The following PCDHGA7 variants were observed in gnomAD, a reference collection of about 807,000 sequenced individuals.
PCDHGA7 encodes the protein protocadherin gamma-A7.
PCDHGA7 carries 44 observed loss-of-function variants against 58.3 expected under a neutral mutation model. That is an observed-to-expected ratio of 0.75 (90% CI 0.59 to 0.97). PCDHGA7 has a LOEUF of 0.97. Ranked by LOEUF, PCDHGA7 falls within the 50% of genes least tolerant of loss-of-function variation. PCDHGA7 has a pLI of 0.00. For synonymous variants in PCDHGA7, 516 were observed against 504.2 expected (o/e 1.02, Z -0.31); for missense variants, 1,266 against 1,188.7 (o/e 1.06, Z -0.96).
At position 141,490,171 on chromosome 5, in the gene PCDHGA7, G is replaced by A. The variant is rs374421995; in HGVS notation, c.2425-4636G>A. 4 of 1,614,100 alleles carry A rather than the reference G, an allele frequency of 2.5e-6. No individual in the cohort carries two copies. The highest frequency in any genetic ancestry group is 3.4e-6 in the Non-Finnish European group (4 of 1,180,034). On this transcript the variant is annotated intron_variant, in intron 1 of 3. Coordinates refer to ENST00000518325, the MANE Select transcript of PCDHGA7 (RefSeq NM_018920.4). The surrounding 1 kb of genome is among the most constrained non-coding windows in gnomAD (Gnocchi z 5.4). ...CCATGTGTTGGGTCCCATAGACTTT[G>A]AGGAGTCACGTTTCTATGAAATTCA...
intron 1 of PCDHGA7, among the ~76,000 whole-genome samples, chr5:141,494,039 G>A (rs901795348): frequency 2.0e-5 from 3 of 152,144 alleles, no homozygotes; most frequent in Non-Finnish European, 4.4e-5. Context: ...GACTTAGTTG[G>A]CCCTGCTTGG....
chr5:141,400,369 T>C (rs2150855153), intron 1 of PCDHGA7: 2 of 1,614,078 alleles, frequency 1.2e-6, no homozygotes, highest in Admixed American at 3.3e-5. Context: ...GCCTTATTCC[T>C]ACAACCTATG....
chr5:141,393,214 A>G, intron 1 of PCDHGA7: 1 of 1,613,636 alleles, frequency 6.2e-7, no homozygotes, highest in East Asian at 2.2e-5. Flanking sequence ...CCAAAATTCC[A>G]GGTCGAAGAT....
chr5:141,470,872 TTTTTTG>T (rs900302332), intron 1 of PCDHGA7, among the ~76,000 whole-genome samples: 3 of 151,814 alleles, frequency 2.0e-5, no homozygotes, highest in African/African-American at 4.8e-5. Context: ...GTTTGTTTGT[TTTTTTG>T]TTTTTGTTTT....
chr5:141,466,085 G>T (rs1028177123), intron 1 of PCDHGA7, among the ~76,000 whole-genome samples: 2 of 151,984 alleles, frequency 1.3e-5, no homozygotes, highest in African/African-American at 4.8e-5. Flanking sequence ...TCATGCCACT[G>T]CACTCCAGCC....
intron 1 of PCDHGA7, chr5:141,478,873 T>C: frequency 7.8e-7 from 1 of 1,274,424 alleles, no homozygotes; most frequent in African/African-American, 1.5e-5. Context: ...GATCAGAGTT[T>C]AGCTTGGTAT....
chr5:141,405,856 C>T (rs1340012897), intron 1 of PCDHGA7, among the ~76,000 whole-genome samples: 1 of 152,096 alleles, frequency 6.6e-6, no homozygotes, highest in Non-Finnish European at 1.5e-5. Flanking sequence ...GTGTGTTTCT[C>T]ATCACTTTTC....
rs374200575 is a variant in PCDHGA7 at position 141,432,105 on chromosome 5, C to G, written c.2424+46782C>G. On this transcript the variant is annotated intron_variant, in intron 1 of 3. Transcript: ENST00000518325. This position sits in a 1 kb window ranked among gnomAD's most constrained non-coding sequence, Gnocchi z 6.0. The stretch of plus-strand genomic sequence containing the variant: ...AACGTGGCAGACACCAACGACAACC[C>G]GCCGGTCTTCCCTCAGGCCTCCTAT... 1.2e-6 allele frequency: 2 copies of G among 1,614,172 alleles called. No individual in the cohort carries two copies. Among genetic ancestry groups the G allele is most frequent in the Non-Finnish European group, 1.7e-6 (2 of 1,180,034 alleles).
At chr5:141,389,055 A>G in intron 1 of PCDHGA7, 1 of 1,613,996 alleles carries the variant, frequency 6.2e-7, no homozygotes, top group South Asian at 1.1e-5. Context: ...TGTTCCATTT[A>G]AAATATTAAC....
Position 141,487,632 on chromosome 5 carries a change from C to G in PCDHGA7, c.2425-7175C>G, listed in dbSNP as rs374506603. The G allele has an allele frequency of 6.2e-7, 1 of 1,614,186 alleles. No homozygotes were observed. Among genetic ancestry groups the G allele is most frequent in the East Asian group, 2.2e-5 (1 of 44,888 alleles). On this transcript the variant is annotated intron_variant, in intron 1 of 3. Coordinates refer to ENST00000518325, the MANE Select transcript of PCDHGA7 (RefSeq NM_018920.4). The surrounding 1 kb of genome is among the most constrained non-coding windows in gnomAD (Gnocchi z 5.0). ...GGGCTAGAGGTGAGACCTTTGCAGG[C>G]TCAACAAATGCTTGAGGGTTATTCT... is the stretch of plus-strand genomic sequence containing the variant.
intron 1 of PCDHGA7, among the ~76,000 whole-genome samples, chr5:141,401,908 T>C (rs942184637): frequency 1.3e-5 from 2 of 152,238 alleles, no homozygotes; most frequent in Admixed American, 1.3e-4. Flanking sequence ...CAAATTATTA[T>C]ATAAGTTTAA....
intron 1 of PCDHGA7, among the ~76,000 whole-genome samples, chr5:141,438,629 TATATATACACACAC>T (rs1468553117): frequency 3.8e-3 from 181 of 48,054 alleles, no homozygotes; most frequent in Non-Finnish European, 5.4e-3. Flanking sequence ...TATATATATA[TATATATACACACAC>T]ACACACACAT....
At chr5:141,438,303 T>G (rs2097949191) in intron 1 of PCDHGA7, among the ~76,000 whole-genome samples, 1 of 152,068 alleles carries the variant, frequency 6.6e-6, no homozygotes, top group African/African-American at 2.4e-5. Flanking sequence ...TAAAAGAAGT[T>G]GGTACCACCA....
chr5:141,467,063 T>C (rs1405374001), intron 1 of PCDHGA7, among the ~76,000 whole-genome samples: 2 of 151,716 alleles, frequency 1.3e-5, no homozygotes, highest in African/African-American at 2.4e-5. Flanking sequence ...TTCTTTTTTT[T>C]TTTTTTTTAG....
intron 1 of PCDHGA7, chr5:141,423,721 T>C (rs2096769391): frequency 8.3e-7 from 1 of 1,208,140 alleles, no homozygotes; most frequent in East Asian, 3.8e-5. Flanking sequence ...TTTAAGGAGA[T>C]GTTTTTTGAG....
intron 1 of PCDHGA7, among the ~76,000 whole-genome samples, chr5:141,473,185 G>A (rs1171761852): frequency 1.3e-5 from 2 of 152,188 alleles, no homozygotes; most frequent in Non-Finnish European, 2.9e-5. Flanking sequence ...ACTTGAAGGA[G>A]TAAATGTATC....
At chr5:141,484,176 A>G (rs1044076131) in intron 1 of PCDHGA7, among the ~76,000 whole-genome samples, 1 of 152,236 alleles carries the variant, frequency 6.6e-6, no homozygotes, top group East Asian at 1.9e-4. Context: ...GCTGATCTCA[A>G]TCATTCAAGG....
intron 1 of PCDHGA7, among the ~76,000 whole-genome samples, chr5:141,438,771 C>T (rs1056879944): frequency 1.3e-5 from 2 of 149,126 alleles, no homozygotes; most frequent in Non-Finnish European, 3.0e-5. Flanking sequence ...AAGCGATTCT[C>T]CTGCCTCAGC....
chr5:141,470,021 C>T (rs111919483), intron 1 of PCDHGA7, among the ~76,000 whole-genome samples: 8 of 152,156 alleles, frequency 5.3e-5, no homozygotes, highest in African/African-American at 1.9e-4. Flanking sequence ...CCCAGCTACT[C>T]GGGATGCTGA....
Sources: allele counts gnomAD v4.1 joint callset (sites outside exome capture counted in the v4.1 genomes callset), GRCh38; gene constraint gnomAD v4.1.1; non-coding constraint Gnocchi (gnomAD v3.1); transcripts MANE v1.5; gene names NCBI Gene and HGNC (gene_info 2026-07-23, HGNC 2026-07-21).